Variants in BICC1 observed in about 807,000 individuals in gnomAD.
The protein encoded by BICC1 is protein bicaudal C homolog 1.
BICC1 carries 43 observed loss-of-function variants against 111.0 expected under a neutral mutation model. The ratio of observed to expected loss-of-function variants is 0.39; its 90% confidence interval spans 0.30 to 0.50. The LOEUF (loss-of-function observed/expected upper bound fraction) is 0.50. BICC1 is among the 20% of genes least tolerant of loss of function. The pLI is 0.88. For missense variants in BICC1, 1,091 were observed against 1,203.2 expected (o/e 0.91, Z 1.38); for synonymous variants, 467 against 434.4 (o/e 1.07, Z -0.93).
intron 3 of BICC1, among the ~76,000 whole-genome samples, chr10:58,736,865 C>G (rs373123935): frequency 2.0e-5 from 3 of 151,820 alleles, no homozygotes; most frequent in Non-Finnish European, 4.4e-5. Context: ...AATTATTTGT[C>G]GTATTCAGCC....
chr10:58,809,666 G>A (rs1843838687), intron 17 of BICC1, among the ~76,000 whole-genome samples: 1 of 152,190 alleles, frequency 6.6e-6, no homozygotes, highest in Admixed American at 6.5e-5. Flanking sequence ...AAATATTTCT[G>A]CACACTCAAG....
At chr10:58,736,331 A>G (rs1841466282) in intron 3 of BICC1, among the ~76,000 whole-genome samples, 1 of 152,180 alleles carries the variant, frequency 6.6e-6, no homozygotes, top group Non-Finnish European at 1.5e-5. Flanking sequence ...ACTCACTAAA[A>G]TGAGCAGTAC....
At position 58,795,177 on chromosome 10, in the gene BICC1, C is replaced by A. The variant is rs190292044; in HGVS notation, c.1180-1163C>A. On this transcript the variant is annotated intron_variant, in intron 9 of 20. Transcript: ENST00000373886. ...ATTTTTAAATTTTGAAACTATAAAT[C>A]TTATATGCATAGAATGGTGTATATA... is the stretch of plus-strand genomic sequence containing the variant. 1.9e-3 allele frequency among the ~76,000 whole-genome samples: 295 copies of A among 152,054 alleles called. 2 individuals are homozygous for A. The Middle Eastern group carries it at 0.024, about 12-fold the overall frequency.
intron 3 of BICC1, among the ~76,000 whole-genome samples, chr10:58,743,964 G>T (rs1841751345): frequency 6.6e-6 from 1 of 151,986 alleles, no homozygotes; most frequent in Admixed American, 6.6e-5. Context: ...AGCAGGTATC[G>T]AGTATCATCT....
Position 58,828,961 on chromosome 10 carries a change from A to G in BICC1, c.*70A>G. The G allele has an allele frequency of 1.3e-6, 2 of 1,583,040 alleles. No homozygotes were observed. The highest frequency in any genetic ancestry group is 1.7e-6 in the Non-Finnish European group (2 of 1,159,598). On this transcript the variant is annotated 3_prime_UTR_variant, in exon 21 of 21. Transcript: ENST00000373886. Reference sequence around the variant, plus strand: ...CACAGGAGATGTATGAACAGCCTTCACAGCACACCATCCTTAGCACTCTGG... The same window carrying G: ...CACAGGAGATGTATGAACAGCCTTCGCAGCACACCATCCTTAGCACTCTGG...
intron 2 of BICC1, among the ~76,000 whole-genome samples, chr10:58,652,614 C>T (rs992933248): frequency 4.6e-5 from 7 of 151,996 alleles, no homozygotes; most frequent in African/African-American, 1.2e-4. Flanking sequence ...CCACGTAACA[C>T]GGTCAATTAT....
chr10:58,652,866 AG>A (rs1838494777), intron 2 of BICC1, among the ~76,000 whole-genome samples: 1 of 152,164 alleles, frequency 6.6e-6, no homozygotes, highest in African/African-American at 2.4e-5. Flanking sequence ...ATTGGAGTTC[AG>A]TAAATGTTCT....
chr10:58,512,919 G>A lies in BICC1; in HGVS notation c.-225G>A, dbSNP rs1267633997. ...GGGGGGCGGCGCAGCCACTGGACCC[G>A]GACCGGGGCCGCGACCCGGGGTGGC... is the stretch of plus-strand genomic sequence containing the variant. On this transcript the variant is annotated 5_prime_UTR_variant, in exon 1 of 21. Coordinates refer to ENST00000373886, the MANE Select transcript of BICC1 (RefSeq NM_001080512.3). 3.4e-5 allele frequency among the ~76,000 whole-genome samples: 5 copies of A among 147,190 alleles called. No homozygotes were observed. The highest frequency in any genetic ancestry group is 4.9e-5 in the African/African-American group (2 of 40,932).
Position 58,829,018 on chromosome 10 carries a change from C to T in BICC1, c.*127C>T, listed in dbSNP as rs12767724. On this transcript the variant is annotated 3_prime_UTR_variant, in exon 21 of 21. Coordinates refer to ENST00000373886, the MANE Select transcript of BICC1 (RefSeq NM_001080512.3). The stretch of plus-strand genomic sequence containing the variant: ...GGTATCAGGACCAAAGCATTTTATT[C>T]GCACCTGTACTTTATGGCAAAAAGG... 9 of 1,090,924 alleles carry T rather than the reference C, an allele frequency of 8.2e-6. No homozygotes were observed. Among genetic ancestry groups the T allele is most frequent in the South Asian group, 6.6e-5 (4 of 60,366 alleles). The allele number at this position is 1,090,924 out of a possible 1,614,324, so 67.6% of individuals were successfully genotyped here.
intron 3 of BICC1, chr10:58,715,501 A>T: frequency 1.9e-6 from 2 of 1,071,462 alleles, no homozygotes; most frequent in Admixed American, 1.8e-5. Context: ...CTCTTCGGCC[A>T]TCTCTCTGGC....
chr10:58,675,017 A>C (rs1256253506), intron 2 of BICC1, among the ~76,000 whole-genome samples: 3 of 152,240 alleles, frequency 2.0e-5, no homozygotes, highest in Non-Finnish European at 4.4e-5. Flanking sequence ...ACCATCAAGC[A>C]TGAAATCCTC....
At position 58,571,844 on chromosome 10, in the gene BICC1, G is replaced by A. The variant is rs146432341; in HGVS notation, c.191-49011G>A. 2.4e-3 allele frequency among the ~76,000 whole-genome samples: 363 copies of A among 152,032 alleles called. 1 individual carries two copies. The highest frequency in any genetic ancestry group is 8.4e-3 in the African/African-American group (350 of 41,484). ...TAACAGAACGATTTATATTCCTTTGGGTATAAAGAAATGGGATTATTGTGT... is the reference window on the plus strand; with the variant it reads ...TAACAGAACGATTTATATTCCTTTGAGTATAAAGAAATGGGATTATTGTGT... On this transcript the variant is annotated intron_variant, in intron 1 of 20. Transcript: ENST00000373886.
intron 2 of BICC1, among the ~76,000 whole-genome samples, chr10:58,644,770 T>C (rs569198890): frequency 6.6e-6 from 1 of 152,248 alleles, no homozygotes; most frequent in Non-Finnish European, 1.5e-5. Context: ...GTAAAGTTAT[T>C]TGAAATCTCA....
At chr10:58,593,715 G>A (rs997789422) in intron 1 of BICC1, among the ~76,000 whole-genome samples, 2 of 152,190 alleles carry the variant, frequency 1.3e-5, no homozygotes, top group East Asian at 1.9e-4. Flanking sequence ...GACCCCATCC[G>A]AAGGTCACCA....
chr10:58,648,514 G>T (rs921644067), intron 2 of BICC1: 2 of 985,184 alleles, frequency 2.0e-6, no homozygotes, highest in Admixed American at 6.2e-5. Flanking sequence ...CTCGGACTTA[G>T]TGTATTCCTA....
At chr10:58,813,761 C>A (rs1245367162) in intron 17 of BICC1, 69 bp from the exon 18 acceptor site, 8 of 1,499,154 alleles carry the variant, frequency 5.3e-6, no homozygotes, top group South Asian at 4.9e-5. Flanking sequence ...AATGTGGATT[C>A]TTTTCTCCTC....
intron 18 of BICC1, 35 bp downstream of exon 18, chr10:58,814,021 C>T (rs776180661): frequency 6.2e-7 from 1 of 1,610,494 alleles, no homozygotes; most frequent in Non-Finnish European, 8.5e-7. Flanking sequence ...TTTTAGGTAT[C>T]CCCAGATTAG....
chr10:58,806,567 T>A lies in BICC1; in HGVS notation c.2182-17T>A. On this transcript the variant is annotated splice_polypyrimidine_tract_variant and intron_variant, in intron 15 of 20. Coordinates refer to ENST00000373886, the MANE Select transcript of BICC1 (RefSeq NM_001080512.3). ...TGGAGAGACTGTCAATAAAGGTATTTTCTGTTTCATTTTCAGGCATTTGAC... is the reference window on the plus strand; with the variant it reads ...TGGAGAGACTGTCAATAAAGGTATTATCTGTTTCATTTTCAGGCATTTGAC... 1 of 1,611,008 alleles carries A rather than the reference T, an allele frequency of 6.2e-7. No individual in the cohort carries two copies. The highest frequency in any genetic ancestry group is 8.5e-7 in the Non-Finnish European group (1 of 1,177,372).
intron 3 of BICC1, among the ~76,000 whole-genome samples, chr10:58,739,326 T>C (rs1841578027): frequency 6.6e-6 from 1 of 152,212 alleles, no homozygotes; most frequent in Admixed American, 6.5e-5. Context: ...CTTTTCTGCG[T>C]CTATTGAGAT....
Sources: gnomAD v4.1 joint callset for allele counts (sites outside exome capture counted in the v4.1 genomes callset) on GRCh38, gnomAD v4.1.1 for gene constraint, MANE v1.5 for transcripts, NCBI Gene and HGNC (gene_info 2026-07-23, HGNC 2026-07-21) for gene names.